DNAH11: variants seen among roughly 807,000 people sequenced by gnomAD.
DNAH11 encodes the protein dynein axonemal heavy chain 11.
In DNAH11, 442 loss-of-function variants were observed where a neutral mutation model predicts 526.0. That is an observed-to-expected ratio of 0.84 (90% CI 0.78 to 0.91). The LOEUF is 0.91. DNAH11 is among the 40% of genes least tolerant of loss of function. The pLI, the probability that DNAH11 is intolerant of heterozygous loss-of-function variation, is 0.00. For synonymous variants in DNAH11, 2,461 were observed against 1,935.9 expected, an observed-to-expected ratio of 1.27 and a Z score of -7.12; for missense variants, 6,989 against 5,448.7, an observed-to-expected ratio of 1.28 and a Z score of -8.90.
chr7:21,829,181 C>G (rs1790441864), intron 65 of DNAH11, among the ~76,000 whole-genome samples: 1 of 152,154 alleles, frequency 6.6e-6, no homozygotes, highest in Admixed American at 6.6e-5. Context: ...TGCAGTAAGG[C>G]TTTTAGATGT....
intron 55 of DNAH11, among the ~76,000 whole-genome samples, chr7:21,766,433 A>G (rs745875313): frequency 6.6e-6 from 1 of 152,176 alleles, no homozygotes; most frequent in Non-Finnish European, 1.5e-5. Context: ...TAGGTCAGAC[A>G]CTGAAAGTGA....
At chr7:21,613,713 A>G (rs1423755907) in intron 20 of DNAH11, among the ~76,000 whole-genome samples, 2 of 152,174 alleles carry the variant, frequency 1.3e-5, no homozygotes, top group Admixed American at 6.5e-5. Context: ...ATGATGAAGT[A>G]TGTGAGATAA....
rs1040577682 is a variant in DNAH11, at chr7:21,655,980, A to G, written c.5093A>G (p.His1698Arg). The part of the protein sequence containing the change: ...PFQAECECVG[H>R]VETWLLQLEQ... ...CAAGCCGAGTGTGAATGTGTGGGCC[A>G]TGTAAGATTTGATTATGAGGTTTTC... The change falls in exon 29 of 82, where the codon CAT becomes CGT. Residue 1698 changes from histidine to arginine, a missense_variant and splice_region_variant. Coordinates refer to ENST00000409508, the MANE Select transcript of DNAH11 (RefSeq NM_001277115.2). The G allele has an allele frequency of 1.3e-6, 2 of 1,588,772 alleles. No homozygotes were observed. Among genetic ancestry groups the G allele is most frequent in the African/African-American group, 1.3e-5 (1 of 74,254 alleles).
chr7:21,774,093 A>G, intron 56 of DNAH11, 94 bp downstream of exon 56: 1 of 1,143,712 alleles, frequency 8.7e-7, no homozygotes, highest in South Asian at 1.7e-5. Flanking sequence ...CATTTCTATA[A>G]GATGCCAGCT....
Position 21,786,655 on chromosome 7 carries a change from A to G in DNAH11, c.9629A>G (p.Asn3210Ser), listed in dbSNP as rs747449460. Reference protein sequence around the residue: ...VNLSELKAFPNPPIAVTNVTA... With the variant: ...VNLSELKAFPSPPIAVTNVTA... ...CTCAGTGAGCTGAAAGCCTTTCCCA[A>G]CCCTCCCATCGCAGTTACCAATGTT... The change falls in exon 59 of 82, where the codon AAC (asparagine) becomes AGC (serine). Residue 3210 changes from asparagine to serine, a missense_variant. Coordinates refer to ENST00000409508, the MANE Select transcript of DNAH11 (RefSeq NM_001277115.2). 1.2e-6 allele frequency: 2 copies of G among 1,612,650 alleles called. No individual in the cohort carries two copies. The highest frequency in any genetic ancestry group is 8.5e-7 in the Non-Finnish European group (1 of 1,179,298).
At position 21,671,951 on chromosome 7, in the gene DNAH11, T is replaced by C. The variant is rs1782657369; in HGVS notation, c.5329-9595T>C. On this transcript the variant is annotated intron_variant, in intron 30 of 81. Coordinates refer to ENST00000409508, the MANE Select transcript of DNAH11 (RefSeq NM_001277115.2). ...TGCACTGGTGGTTTTAGCAGTAGGA[T>C]TAAAGGAGAAGTAGGAAGTGAACAC... is the stretch of plus-strand genomic sequence containing the variant. Among the ~76,000 whole-genome samples, 3 of 152,280 alleles carry C rather than the reference T, an allele frequency of 2.0e-5. No homozygotes were observed. The South Asian group carries it at 6.2e-4, about 32-fold the overall frequency.
intron 28 of DNAH11, among the ~76,000 whole-genome samples, chr7:21,654,753 C>T (rs1036259993): frequency 1.3e-5 from 2 of 152,288 alleles, no homozygotes; most frequent in Admixed American, 1.3e-4. Context: ...CGCCCCTGCC[C>T]TTTACTCAGT....
intron 74 of DNAH11, among the ~76,000 whole-genome samples, chr7:21,878,591 C>G (rs1271285971): frequency 6.6e-6 from 1 of 151,950 alleles, no homozygotes; most frequent in South Asian, 2.1e-4. Context: ...TGTATATTTC[C>G]AAGCCCCATA....
At position 21,619,229 on chromosome 7, in the gene DNAH11, T is replaced by G. The variant is rs201528665; in HGVS notation, c.4377+7T>G. The G allele has an allele frequency of 2.5e-5, 41 of 1,611,414 alleles. No individual in the cohort carries two copies. The highest frequency in any genetic ancestry group is 3.3e-5 in the Non-Finnish European group (39 of 1,178,774). ...AGAGCTGGGGACTGAGAAGGTAGTG[T>G]CCTCGGGACTGGGTCATTTCTACTT... On this transcript the variant is annotated splice_region_variant and intron_variant, in intron 24 of 81. Transcript: ENST00000409508.
chr7:21,570,329 G>A, intron 7 of DNAH11, 30 bp downstream of exon 7: 1 of 1,559,190 alleles, frequency 6.4e-7, no homozygotes, highest in Non-Finnish European at 8.7e-7. Flanking sequence ...ATTTATTCAT[G>A]TTGAAGGTGG....
chr7:21,776,870 C>T lies in DNAH11; in HGVS notation c.9337-2088C>T, dbSNP rs143240139. Among the ~76,000 whole-genome samples, 7 of 152,148 alleles carry T rather than the reference C, an allele frequency of 4.6e-5. No homozygotes were observed. The East Asian group carries it at 1.4e-3, about 29-fold the overall frequency. ...GCATCCTGCATAACTAGTACAATGC[C>T]AAAACCAGGAAAGTGGCATTGGTAC... On this transcript the variant is annotated intron_variant, in intron 56 of 81. Transcript: ENST00000409508.
intron 66 of DNAH11, chr7:21,851,738 A>T (rs1298314684): frequency 1.5e-5 from 7 of 459,436 alleles, no homozygotes; most frequent in African/African-American, 1.0e-4. Flanking sequence ...AGAAGCTGTG[A>T]TTCTCTGTGT....
At chr7:21,894,535 T>C in intron 77 of DNAH11, 88 bp from the exon 78 acceptor site, 1 of 1,367,656 alleles carries the variant, frequency 7.3e-7, no homozygotes, top group South Asian at 1.3e-5. Flanking sequence ...TGATATATTC[T>C]GTAACTTCAA....
rs554019494 is a variant in DNAH11 at position 21,713,645 on chromosome 7, C to T, written c.6983+1785C>T. On this transcript the variant is annotated intron_variant, in intron 42 of 81. Transcript: ENST00000409508. ...TGACTAGTCCTTTTATTGATCCTTC[C>T]CTTGTTATCCTGATTTAGGGATGAC... Among the ~76,000 whole-genome samples the T allele has an allele frequency of 1.7e-4, 26 of 152,172 alleles. No individual in the cohort carries two copies. In the South Asian group the frequency reaches 3.3e-3, roughly 19 times the overall value.
rs3214246 is a variant in DNAH11, at chr7:21,702,505, C to CA, written c.6181-194dup. Among the ~76,000 whole-genome samples the CA allele has an allele frequency of 0.047, 6,042 of 129,260 alleles. 265 individuals carry two copies. The highest frequency in any genetic ancestry group is 0.12 in the African/African-American group (4,354 of 35,768). The allele number at this position is 129,260 out of a possible 152,430, so 84.8% of individuals were successfully genotyped here. A position where few individuals can be genotyped will look rare whatever the true frequency, so the allele number is the denominator to read the frequency against. On this transcript the variant is annotated intron_variant, in intron 36 of 81. Coordinates refer to ENST00000409508, the MANE Select transcript of DNAH11 (RefSeq NM_001277115.2). Reference sequence around the variant, plus strand: ...GAAAGAAGAGACTTGCTGACAGAGGCAAAAAAAAAAAGGTGAAAGAAACAG... The same window carrying CA: ...GAAAGAAGAGACTTGCTGACAGAGGCAAAAAAAAAAAAGGTGAAAGAAACAG...
intron 56 of DNAH11, among the ~76,000 whole-genome samples, chr7:21,778,685 G>C (rs562415086): frequency 6.6e-5 from 10 of 152,220 alleles, no homozygotes; most frequent in Non-Finnish European, 1.2e-4. Flanking sequence ...TCAGACAGAG[G>C]GAAGAGCAAC....
At chr7:21,797,659 A>G (rs906384139) in intron 61 of DNAH11, among the ~76,000 whole-genome samples, 7 of 152,244 alleles carry the variant, frequency 4.6e-5, no homozygotes, top group African/African-American at 1.7e-4. Context: ...ACAATTAGAC[A>G]TTCCTATGAA....
At chr7:21,693,967 A>G (rs565321837) in intron 35 of DNAH11, among the ~76,000 whole-genome samples, 55 of 152,246 alleles carry the variant, frequency 3.6e-4, no homozygotes, top group Non-Finnish European at 5.6e-4. Flanking sequence ...GAGGTGGGGA[A>G]GTGCCACGCA....
chr7:21,878,175 G>A (rs541838302), intron 74 of DNAH11, among the ~76,000 whole-genome samples: 1 of 152,266 alleles, frequency 6.6e-6, no homozygotes, highest in South Asian at 2.1e-4. Flanking sequence ...CCTGAACTGT[G>A]GAATGGTAGG....
Sources: gnomAD v4.1 joint callset for allele counts (sites outside exome capture counted in the v4.1 genomes callset) on GRCh38, gnomAD v4.1.1 for gene constraint, MANE v1.5 for transcripts, NCBI Gene and HGNC (gene_info 2026-07-23, HGNC 2026-07-21) for gene names.